The following SOX6 variants were observed in gnomAD, a reference collection of about 807,000 sequenced individuals.
The protein encoded by SOX6 is transcription factor SOX-6.
Under a neutral mutation model 97.8 loss-of-function variants are expected in SOX6, and 11 were observed. The ratio of observed to expected loss-of-function variants is 0.11; its 90% confidence interval spans 0.07 to 0.19. SOX6 has a LOEUF of 0.19. SOX6 is among the 10% of genes least tolerant of loss of function. The pLI, the probability that SOX6 is intolerant of heterozygous loss-of-function variation, is 1.00. For synonymous variants in SOX6, 360 were observed against 371.4 expected (o/e 0.97, Z 0.35); for missense variants, 810 against 1,039.5 (o/e 0.78, Z 3.04).
intron 3 of SOX6, among the ~76,000 whole-genome samples, chr11:16,290,884 T>C (rs1370098157): frequency 6.6e-6 from 1 of 152,082 alleles, no homozygotes; most frequent in Admixed American, 6.6e-5. Context: ...AGCTTTTTAA[T>C]ATGCAAATGT....
intron 13 of SOX6, among the ~76,000 whole-genome samples, chr11:15,992,408 G>C (rs1854083063): frequency 6.6e-6 from 1 of 152,116 alleles, no homozygotes; most frequent in Non-Finnish European, 1.5e-5. Context: ...TCAAAACTTG[G>C]AAAATGTTTT....
At chr11:16,678,169 T>G (rs1266574687) in intron 3 of SOX6, among the ~76,000 whole-genome samples, 1 of 152,154 alleles carries the variant, frequency 6.6e-6, no homozygotes, top group Non-Finnish European at 1.5e-5. Context: ...TGATCTTTAT[T>G]GTTTCTTTCC....
intron 3 of SOX6, among the ~76,000 whole-genome samples, chr11:16,705,548 AC>A (rs892120151): frequency 2.6e-5 from 4 of 151,870 alleles, no homozygotes; most frequent in African/African-American, 9.7e-5. Context: ...GATGGCTTGA[AC>A]CCAGGAGTTC....
Position 16,132,390 on chromosome 11 carries a change from G to A in SOX6, c.778-20467C>T, listed in dbSNP as rs868329393. ...AGAAAGAAAGAAAGAAAGAAAGAAA[G>A]AAAGAAAGAAAAAAGAAAGAAAGAA... On this transcript the variant is annotated intron_variant, in intron 6 of 15. Transcript: ENST00000683767. 2.3e-4 allele frequency among the ~76,000 whole-genome samples: 16 copies of A among 71,094 alleles called. 1 individual carries two copies. The highest frequency in any genetic ancestry group is 9.5e-4 in the African/African-American group (15 of 15,722). 46.6% of individuals were successfully genotyped at this position (71,094 alleles called of 152,430 possible). A position where few individuals can be genotyped will look rare whatever the true frequency, so the allele number is the denominator to read the frequency against.
intron 9 of SOX6, among the ~76,000 whole-genome samples, chr11:16,058,050 T>G (rs997887313): frequency 6.6e-6 from 1 of 152,122 alleles, no homozygotes. Context: ...TTGATGTTTT[T>G]CATTGATAAT....
At chr11:16,088,658 C>T (rs958007558) in intron 9 of SOX6, among the ~76,000 whole-genome samples, 1 of 152,050 alleles carries the variant, frequency 6.6e-6, no homozygotes, top group Non-Finnish European at 1.5e-5. Context: ...TTAAGTTATT[C>T]CAACAGTTAC....
intron 3 of SOX6, among the ~76,000 whole-genome samples, chr11:16,709,324 C>T (rs1459392472): frequency 1.3e-5 from 2 of 152,062 alleles, no homozygotes; most frequent in African/African-American, 4.8e-5. Flanking sequence ...TCGAGACCAG[C>T]CTGGCCAACA....
At chr11:16,310,049 C>A (rs1855552898) in intron 3 of SOX6, among the ~76,000 whole-genome samples, 1 of 152,040 alleles carries the variant, frequency 6.6e-6, no homozygotes, top group Non-Finnish European at 1.5e-5. Context: ...TCCCCAGATT[C>A]TTAGAGAAAG....
intron 1 of SOX6, among the ~76,000 whole-genome samples, chr11:16,399,084 A>T (rs1204163198): frequency 6.6e-6 from 1 of 151,268 alleles, no homozygotes; most frequent in African/African-American, 2.4e-5. Flanking sequence ...CACTTCCTAG[A>T]TTTACGATCT....
chr11:16,604,820 G>C lies in SOX6; in HGVS notation n.609+7261C>G, dbSNP rs571659839. ...ACATTTTCAAACTTGGTCCGCCTAA[G>C]AGACCGTAAATAAAACTCAAAACAA... is the stretch of plus-strand genomic sequence containing the variant. On this transcript the variant is annotated intron_variant and non_coding_transcript_variant, in intron 4 of 5. Coordinates refer to the SOX6 transcript ENST00000524520. 5.3e-4 allele frequency among the ~76,000 whole-genome samples: 80 copies of C among 152,350 alleles called. 1 individual carries two copies. The South Asian group carries it at 0.01, about 20-fold the overall frequency.
chr11:16,474,946 A>G (rs771731802), intron 1 of SOX6, among the ~76,000 whole-genome samples: 2 of 152,174 alleles, frequency 1.3e-5, no homozygotes, highest in African/African-American at 2.4e-5. Flanking sequence ...GATCTTCTGG[A>G]TAACTTGCTG....
At chr11:16,079,773 T>C (rs1338597951) in intron 9 of SOX6, among the ~76,000 whole-genome samples, 1 of 152,144 alleles carries the variant, frequency 6.6e-6, no homozygotes, top group African/African-American at 2.4e-5. Flanking sequence ...CTTTTTAAAC[T>C]GCAAATTATT....
rs144376052 is a variant in SOX6, at chr11:16,693,092, T to A, written n.429+21738A>T. On this transcript the variant is annotated intron_variant and non_coding_transcript_variant, in intron 3 of 5. Transcript: ENST00000524520. ...TACACAAATCTTTTGTTATTTCTGG[T>A]TAATATTTTAAGCCCTATTCCTAGA... Among the ~76,000 whole-genome samples the A allele has an allele frequency of 1.2e-4, 19 of 152,300 alleles. No individual in the cohort carries two copies. The East Asian group carries it at 3.7e-3, about 29-fold the overall frequency.
chr11:16,291,963 G>C (rs1854930699), intron 3 of SOX6, among the ~76,000 whole-genome samples: 1 of 152,000 alleles, frequency 6.6e-6, no homozygotes, highest in Non-Finnish European at 1.5e-5. Flanking sequence ...ATTTCTTTCT[G>C]GCATTAATGC....
intron 3 of SOX6, among the ~76,000 whole-genome samples, chr11:16,251,474 T>C (rs1853506344): frequency 1.7e-5 from 1 of 57,996 alleles, no homozygotes; most frequent in South Asian, 5.1e-4. Context: ...ATAAAGAGAA[T>C]AGTATGAAGA....
At chr11:16,667,866 A>G (rs559101424) in intron 3 of SOX6, among the ~76,000 whole-genome samples, 37 of 152,348 alleles carry the variant, frequency 2.4e-4, no homozygotes, top group African/African-American at 8.2e-4. Context: ...ACCAAAAGTA[A>G]TAACTACAAC....
At chr11:16,438,830 G>C (rs897089394) in intron 1 of SOX6, among the ~76,000 whole-genome samples, 2 of 152,024 alleles carry the variant, frequency 1.3e-5, no homozygotes, top group African/African-American at 4.8e-5. Flanking sequence ...GGTCTAAAAA[G>C]AGATCCCCTT....
chr11:16,410,362 T>C (rs1261629299), intron 1 of SOX6, among the ~76,000 whole-genome samples: 2 of 152,104 alleles, frequency 1.3e-5, no homozygotes, highest in African/African-American at 2.4e-5. Flanking sequence ...ACAGGCTCTT[T>C]GTGGTGGGAA....
intron 1 of SOX6, among the ~76,000 whole-genome samples, chr11:16,393,357 C>G (rs1364117573): frequency 6.6e-6 from 1 of 151,922 alleles, no homozygotes; most frequent in East Asian, 1.9e-4. Context: ...CTTAATGAAG[C>G]AACAGCCTCC....
Sources: gnomAD v4.1 joint callset for allele counts (sites outside exome capture counted in the v4.1 genomes callset) on GRCh38, gnomAD v4.1.1 for gene constraint, MANE v1.5 for transcripts, NCBI Gene and HGNC (gene_info 2026-07-23, HGNC 2026-07-21) for gene names.